Variants in TUSC3 observed in about 807,000 individuals in gnomAD.
TUSC3 encodes dolichyl-diphosphooligosaccharide--protein glycosyltransferase subunit TUSC3.
A neutral mutation model predicts 44.8 loss-of-function variants in TUSC3; 45 were observed. The ratio of observed to expected loss-of-function variants is 1.00; its 90% CI spans 0.79 to 1.29. TUSC3 has a LOEUF of 1.29. TUSC3 is among the 50% of genes most tolerant of loss of function. TUSC3 has a pLI of 0.00. For synonymous variants in TUSC3, 212 were observed against 152.9 expected, an observed-to-expected ratio of 1.39 and a Z score of -2.85; for missense variants, 519 against 437.9, an observed-to-expected ratio of 1.19 and a Z score of -1.65.
rs1348335324 is a variant in TUSC3, at chr8:15,454,159, A to T, written n.92-29227A>T. 2.6e-5 allele frequency among the ~76,000 whole-genome samples: 4 copies of T among 152,114 alleles called. No homozygotes were observed. The East Asian group carries it at 7.8e-4, about 29-fold the overall frequency. ...AGAATCAAGGGAGAAGGGACACAAG[A>T]CCCCGGAAGCATGACAGCATATAAA... On this transcript the variant is annotated intron_variant and non_coding_transcript_variant, in intron 1 of 5. Coordinates refer to the TUSC3 transcript ENST00000503191.
Position 15,512,804 on chromosome 8 carries a change from C to T in TUSC3, n.189+29321C>T, listed in dbSNP as rs1215671751. Among the ~76,000 whole-genome samples the T allele has an allele frequency of 3.5e-5, 4 of 114,402 alleles. No individual in the cohort carries two copies. In the East Asian group the frequency reaches 1.1e-3, roughly 31 times the overall value. The allele number at this position is 114,402 out of a possible 152,430, so 75.1% of individuals were successfully genotyped here. Reference sequence around the variant, plus strand: ...CCAATCAATCAATCAATCAATAAATCCCATTCTGTCTTGGGGTGTGTGTGT... The same window carrying T: ...CCAATCAATCAATCAATCAATAAATTCCATTCTGTCTTGGGGTGTGTGTGT... On this transcript the variant is annotated intron_variant and non_coding_transcript_variant, in intron 2 of 5. Transcript: ENST00000503191.
chr8:15,497,533 G>C (rs1800899922), intron 2 of TUSC3, among the ~76,000 whole-genome samples: 1 of 152,042 alleles, frequency 6.6e-6, no homozygotes, highest in Admixed American at 6.6e-5. Flanking sequence ...CTTTGACGAG[G>C]GCAATTCTTC....
At chr8:15,815,765 A>G in the TUSC3 span, among the ~76,000 whole-genome samples, 2 of 152,152 alleles carry the variant, frequency 1.3e-5, no homozygotes, top group East Asian at 3.9e-4. Flanking sequence ...GATAAATTAC[A>G]TTTTAGTCCC....
chr8:15,600,483 C>G (rs1804239054), intron 1 of TUSC3, among the ~76,000 whole-genome samples: 1 of 151,668 alleles, frequency 6.6e-6, no homozygotes, highest in Non-Finnish European at 1.5e-5. Flanking sequence ...GTAAATTTCT[C>G]TTCCTTGGTA....
intron 1 of TUSC3, among the ~76,000 whole-genome samples, chr8:15,476,011 T>C (rs1397247317): frequency 6.6e-6 from 1 of 152,194 alleles, no homozygotes; most frequent in Non-Finnish European, 1.5e-5. Flanking sequence ...TTTCTGTACA[T>C]CAAGCTTTGA....
chr8:15,431,498 C>A (rs922026634), intron 1 of TUSC3, among the ~76,000 whole-genome samples: 11 of 151,588 alleles, frequency 7.3e-5, no homozygotes, highest in African/African-American at 2.7e-4. Context: ...TGTATAGAAA[C>A]ACATCTGATT....
At chr8:15,653,325 T>A (rs1435654521) in intron 3 of TUSC3, among the ~76,000 whole-genome samples, 1 of 152,190 alleles carries the variant, frequency 6.6e-6, no homozygotes, top group Non-Finnish European at 1.5e-5. Context: ...AAATAAAAAT[T>A]TTTATATGAA....
intron 1 of TUSC3, among the ~76,000 whole-genome samples, chr8:15,467,445 G>A (rs1172248566): frequency 5.9e-5 from 9 of 152,116 alleles, no homozygotes; most frequent in Admixed American, 2.6e-4. Context: ...TATACATACT[G>A]CCTTAGAGTA....
At chr8:15,505,562 T>G (rs1031709618) in intron 2 of TUSC3, among the ~76,000 whole-genome samples, 3 of 152,190 alleles carry the variant, frequency 2.0e-5, no homozygotes, top group African/African-American at 7.2e-5. Context: ...ATAGTTTCCT[T>G]TACTACAGTA....
At chr8:15,521,843 C>G (rs1320673279) in intron 2 of TUSC3, among the ~76,000 whole-genome samples, 3 of 152,230 alleles carry the variant, frequency 2.0e-5, no homozygotes, top group South Asian at 4.1e-4. Context: ...AAGGCCTTAA[C>G]TGCTCTGCTC....
At chr8:15,784,238 T>C in the TUSC3 span, among the ~76,000 whole-genome samples, 3,551 of 152,228 alleles carry the variant, frequency 0.023, 112 homozygotes, top group African/African-American at 0.079. Flanking sequence ...TCTTGTACAG[T>C]ATCTGCTGAG....
intron 7 of TUSC3, among the ~76,000 whole-genome samples, chr8:15,742,323 A>T: frequency 6.6e-6 from 1 of 152,170 alleles, no homozygotes; most frequent in East Asian, 1.9e-4. Context: ...GCTAAAACAA[A>T]TACAATAGTT....
At chr8:15,598,621 G>T (rs1249681153) in intron 1 of TUSC3, among the ~76,000 whole-genome samples, 4 of 147,056 alleles carry the variant, frequency 2.7e-5, no homozygotes, top group African/African-American at 7.5e-5. Flanking sequence ...TCCACCCTCT[G>T]GCAACCACTG....
At chr8:15,815,327 A>G in the TUSC3 span, among the ~76,000 whole-genome samples, 10 of 152,252 alleles carry the variant, frequency 6.6e-5, no homozygotes, top group East Asian at 1.7e-3. Flanking sequence ...GGGGCAGGAT[A>G]GGGAAAGATA....
intron 1 of TUSC3, among the ~76,000 whole-genome samples, chr8:15,542,166 G>A (rs960779036): frequency 2.0e-5 from 3 of 152,096 alleles, no homozygotes; most frequent in South Asian, 4.1e-4. Context: ...GATCTGGAAG[G>A]GTGGGACAAC....
In TUSC3 at chr8:15,748,360, T is replaced by C. The variant is rs1811513945; in HGVS notation, c.938-15T>C. The C allele has an allele frequency of 6.3e-7, 1 of 1,589,896 alleles. No homozygotes were observed. Among genetic ancestry groups the C allele is most frequent in the South Asian group, 1.1e-5 (1 of 90,584 alleles). On this transcript the variant is annotated splice_polypyrimidine_tract_variant and intron_variant, in intron 8 of 10. Transcript: ENST00000503731. ...ATATTTTTAGACACTAATGGTATTT[T>C]CTGTCTGTTTCTAGTAATTTGCCTA...
At chr8:15,515,093 A>G (rs1801199863) in intron 2 of TUSC3, among the ~76,000 whole-genome samples, 1 of 152,174 alleles carries the variant, frequency 6.6e-6, no homozygotes, top group Admixed American at 6.5e-5. Context: ...TCTCTAAGCC[A>G]AGACCACACT....
chr8:15,545,065 G>C (rs1801817587), intron 1 of TUSC3, among the ~76,000 whole-genome samples: 1 of 151,710 alleles, frequency 6.6e-6, no homozygotes, highest in Admixed American at 6.6e-5. Flanking sequence ...TAATACCTAA[G>C]ATGTAGGTGT....
the TUSC3 span, chr8:15,806,283 G>T: frequency 1.5e-6 from 1 of 647,380 alleles, no homozygotes; most frequent in Non-Finnish European, 2.9e-6. Flanking sequence ...GTTCTCATTG[G>T]CTAATGTGTA....
Sources: allele counts gnomAD v4.1 joint callset (sites outside exome capture counted in the v4.1 genomes callset), GRCh38; gene constraint gnomAD v4.1.1; transcripts MANE v1.5; gene names NCBI Gene and HGNC (gene_info 2026-07-23, HGNC 2026-07-21).